PEX14: variants seen among roughly 807,000 people sequenced by gnomAD.
PEX14 encodes peroxisomal biogenesis factor 14.
In PEX14, 15 loss-of-function variants were observed where a neutral mutation model predicts 49.5. That is an observed-to-expected ratio of 0.30 (90% CI 0.20 to 0.47). The LOEUF (loss-of-function observed/expected upper bound fraction) is 0.47, where lower values mean the gene tolerates loss of function less well. Among genes scored for constraint, PEX14 ranks in the 20% least tolerant of loss-of-function variants. The probability of loss-of-function intolerance (pLI) is 1.00; values close to 1 mark genes in which losing one functional copy is unlikely to be tolerated. For synonymous variants in PEX14, 210 were observed against 212.7 expected, an observed-to-expected ratio of 0.99 and a Z score of 0.11; for missense variants, 398 against 494.8, an observed-to-expected ratio of 0.80 and a Z score of 1.86.
At chr1:10,504,620 G>A (rs1336018802) in intron 2 of PEX14, among the ~76,000 whole-genome samples, 1 of 152,188 alleles carries the variant, frequency 6.6e-6, no homozygotes, top group Non-Finnish European at 1.5e-5. Context: ...CCAGGCCCGT[G>A]GCAAGTGGGT....
chr1:10,518,531 A>G (rs1642010412), intron 2 of PEX14, among the ~76,000 whole-genome samples: 2 of 152,208 alleles, frequency 1.3e-5, no homozygotes, highest in South Asian at 4.1e-4. Context: ...CTTGTAGTGT[A>G]TATATTGGGA....
chr1:10,476,370 G>A (rs1050218334), intron 1 of PEX14, among the ~76,000 whole-genome samples: 9 of 152,208 alleles, frequency 5.9e-5, no homozygotes, highest in African/African-American at 1.9e-4. Context: ...CTCGAGAGGA[G>A]GGCCTCTCCT....
chr1:10,597,570 C>T lies in PEX14; in HGVS notation c.170-1668C>T, dbSNP rs1387125889. ...CCCTCTCTAGCTCCACTCTACTGACCTTCAGCTTTTGTCTTTGGAAGGTGG... is the reference window on the plus strand; with the variant it reads ...CCCTCTCTAGCTCCACTCTACTGACTTTCAGCTTTTGTCTTTGGAAGGTGG... On this transcript the variant is annotated intron_variant, in intron 3 of 8. Coordinates refer to ENST00000356607, the MANE Select transcript of PEX14 (RefSeq NM_004565.3). This position sits in a 1 kb window ranked among gnomAD's most constrained non-coding sequence, Gnocchi z 5.7. Among the ~76,000 whole-genome samples the T allele has an allele frequency of 6.6e-6, 1 of 152,204 alleles. No individual in the cohort carries two copies. The highest frequency in any genetic ancestry group is 6.5e-5 in the Admixed American group (1 of 15,276).
intron 3 of PEX14, among the ~76,000 whole-genome samples, chr1:10,559,912 A>C (rs1230214317): frequency 6.6e-6 from 1 of 151,792 alleles, no homozygotes; most frequent in African/African-American, 2.4e-5. Context: ...CCCCTGGTCC[A>C]CTCTGCGTTG....
intron 2 of PEX14, among the ~76,000 whole-genome samples, chr1:10,505,761 A>C (rs1176513783): frequency 6.6e-6 from 1 of 150,770 alleles, no homozygotes; most frequent in African/African-American, 2.4e-5. Flanking sequence ...GTTCACTACA[A>C]CCTCCGCCTC....
chr1:10,608,685 AAT>A (rs1212329325), intron 4 of PEX14, among the ~76,000 whole-genome samples: 4 of 150,086 alleles, frequency 2.7e-5, no homozygotes, highest in Admixed American at 6.6e-5. Flanking sequence ...AAAAAAAAAA[AAT>A]CAACTGACTA....
chr1:10,477,089 G>T (rs75261601), intron 1 of PEX14, among the ~76,000 whole-genome samples: 69 of 134,904 alleles, frequency 5.1e-4, no homozygotes, highest in African/African-American at 1.6e-3. Context: ...TTTTTTTTTT[G>T]AGACAGAGTC....
At chr1:10,548,579 G>T (rs1421116830) in intron 3 of PEX14, among the ~76,000 whole-genome samples, 1 of 152,144 alleles carries the variant, frequency 6.6e-6, no homozygotes, top group African/African-American at 2.4e-5. Flanking sequence ...ATCTGTTGGG[G>T]GGTGGTGTAT....
intron 4 of PEX14, among the ~76,000 whole-genome samples, chr1:10,615,392 G>A (rs1641383844): frequency 6.6e-6 from 1 of 152,210 alleles, no homozygotes. Context: ...AAAAGGAAAT[G>A]CTGATGAAAA....
At chr1:10,483,779 A>G (rs9970001) in intron 1 of PEX14, among the ~76,000 whole-genome samples, 27,311 of 151,508 alleles carry the variant, frequency 0.18, 2,751 homozygotes, top group South Asian at 0.3. Flanking sequence ...CTGTGTAACC[A>G]CCACTGCCAC....
intron 7 of PEX14, among the ~76,000 whole-genome samples, chr1:10,626,726 G>A (rs1248188443): frequency 6.6e-6 from 1 of 152,266 alleles, no homozygotes; most frequent in South Asian, 2.1e-4. Context: ...TGTCCTCTGT[G>A]CACATGCCAC....
intron 3 of PEX14, among the ~76,000 whole-genome samples, chr1:10,544,891 T>C (rs988900750): frequency 2.0e-5 from 3 of 152,072 alleles, no homozygotes; most frequent in Non-Finnish European, 2.9e-5. Context: ...GCCTCCCAGG[T>C]AGCTGGGCCA....
chr1:10,620,536 C>T (rs1641559162), intron 5 of PEX14, among the ~76,000 whole-genome samples: 1 of 152,010 alleles, frequency 6.6e-6, no homozygotes, highest in Non-Finnish European at 1.5e-5. Context: ...GCCTGTAATC[C>T]CAGGACTTTG....
chr1:10,610,356 C>CAT lies in PEX14; in HGVS notation c.299-7960_299-7959dup, dbSNP rs999014236. Among the ~76,000 whole-genome samples the CAT allele has an allele frequency of 7.3e-4, 105 of 143,036 alleles. 1 individual carries two copies. The highest frequency in any genetic ancestry group is 2.2e-3 in the African/African-American group (84 of 38,908). 93.8% of individuals were successfully genotyped at this position (143,036 alleles called of 152,430 possible). On this transcript the variant is annotated intron_variant, in intron 4 of 8. Coordinates refer to ENST00000356607, the MANE Select transcript of PEX14 (RefSeq NM_004565.3). Reference sequence around the variant, plus strand: ...TTATACACAAATATATATAACTTTACATATATATATATATATACACACACA... The same window carrying CAT: ...TTATACACAAATATATATAACTTTACATATATATATATATATATACACACACA...
At chr1:10,554,566 C>A (rs1570257638) in intron 3 of PEX14, among the ~76,000 whole-genome samples, 1 of 152,304 alleles carries the variant, frequency 6.6e-6, no homozygotes, top group South Asian at 2.1e-4. Flanking sequence ...CTTGGCATTG[C>A]AGCTGCAGTC....
intron 2 of PEX14, among the ~76,000 whole-genome samples, chr1:10,534,455 A>G (rs28522839): frequency 0.045 from 6,709 of 150,354 alleles, 324 homozygotes; most frequent in African/African-American, 0.11. Flanking sequence ...TCCTACCTCT[A>G]CCCATCCCCT....
At chr1:10,538,673 C>T (rs889305716) in intron 3 of PEX14, among the ~76,000 whole-genome samples, 9 of 152,268 alleles carry the variant, frequency 5.9e-5, no homozygotes, top group Non-Finnish European at 8.8e-5. Context: ...TTTCCGTGCT[C>T]AGCACGGCCT....
intron 1 of PEX14, among the ~76,000 whole-genome samples, chr1:10,481,292 C>T (rs984134692): frequency 6.6e-6 from 1 of 151,982 alleles, no homozygotes; most frequent in Admixed American, 6.6e-5. Context: ...TGCCCGCCAC[C>T]ATGCCTGGCT....
At chr1:10,484,136 C>A (rs890755107) in intron 1 of PEX14, among the ~76,000 whole-genome samples, 2 of 149,464 alleles carry the variant, frequency 1.3e-5, no homozygotes, top group African/African-American at 2.5e-5. Flanking sequence ...TCAAGAGATT[C>A]CCCTGCCCCA....
Sources: gnomAD v4.1 joint callset for allele counts (sites outside exome capture counted in the v4.1 genomes callset) on GRCh38, gnomAD v4.1.1 for gene constraint, Gnocchi (gnomAD v3.1) non-coding constraint, MANE v1.5 for transcripts, NCBI Gene and HGNC (gene_info 2026-07-23, HGNC 2026-07-21) for gene names.